The following BCL2L13 variants were observed in gnomAD, a reference collection of about 807,000 sequenced individuals.
BCL2L13 encodes bcl-2-like protein 13.
Under a neutral mutation model 25.8 loss-of-function variants are expected in BCL2L13, and 13 were observed. The ratio of observed to expected loss-of-function variants is 0.50; its 90% CI spans 0.33 to 0.80. The LOEUF is 0.80. BCL2L13 is among the 30% of genes least tolerant of loss of function. BCL2L13 has a pLI of 0.02. For missense variants in BCL2L13, 504 were observed against 574.9 expected (o/e 0.88, Z 1.26); for synonymous variants, 244 against 230.3 (o/e 1.06, Z -0.54).
intron 6 of BCL2L13, among the ~76,000 whole-genome samples, chr22:17,710,067 TAAAAA>T (rs71201876): frequency 1.4e-4 from 13 of 91,806 alleles, no homozygotes; most frequent in Admixed American, 8.2e-4. Flanking sequence ...GACCTTGTCT[TAAAAA>T]AAAAAAAAAA....
chr22:17,636,379 T>C (rs9604779), upstream of BCL2L13, among the ~76,000 whole-genome samples: 11,856 of 150,892 alleles, frequency 0.079, 538 homozygotes, highest in African/African-American at 0.093. Flanking sequence ...CTGTGGTCCT[T>C]GATACTTGGG....
At chr22:17,691,422 G>A (rs897730089) in intron 4 of BCL2L13, among the ~76,000 whole-genome samples, 7 of 152,162 alleles carry the variant, frequency 4.6e-5, no homozygotes, top group Non-Finnish European at 1.0e-4. Flanking sequence ...CGAGGCGGGC[G>A]TATCACGAGG....
chr22:17,717,335 G>C (rs1463224809), intron 6 of BCL2L13, among the ~76,000 whole-genome samples: 2 of 133,654 alleles, frequency 1.5e-5, no homozygotes, highest in African/African-American at 6.1e-5. Flanking sequence ...GAGTTAGCCA[G>C]GTGTGGTGGC....
intron 1 of BCL2L13, among the ~76,000 whole-genome samples, chr22:17,652,361 G>A (rs539702029): frequency 6.6e-6 from 1 of 152,248 alleles, no homozygotes; most frequent in East Asian, 1.9e-4. Context: ...ATTTAAGTGT[G>A]CTTAAAACAC....
chr22:17,723,209 A>G (rs1368782583), intron 6 of BCL2L13, among the ~76,000 whole-genome samples: 1 of 151,926 alleles, frequency 6.6e-6, no homozygotes. Context: ...TCCTGAATGC[A>G]TCCTCTTCTG....
Position 17,710,433 on chromosome 22 carries a change from C to A in BCL2L13, c.600+8047C>A, listed in dbSNP as rs183627424. Among the ~76,000 whole-genome samples, 700 of 151,366 alleles carry A rather than the reference C, an allele frequency of 4.6e-3. 2 individuals are homozygous for A. Among genetic ancestry groups the A allele is most frequent in the African/African-American group, 0.016 (644 of 41,218 alleles). On this transcript the variant is annotated intron_variant, in intron 6 of 6. Transcript: ENST00000317582. ...CTACTAAAAATTAAAAAAAAAAATT[C>A]TCCGGGCATGGTGGCGCACACCTGT...
chr22:17,647,237 G>A (rs1421491059), intron 1 of BCL2L13, among the ~76,000 whole-genome samples: 1 of 151,750 alleles, frequency 6.6e-6, no homozygotes, highest in Non-Finnish European at 1.5e-5. Context: ...GCCTCCCAAA[G>A]TTCTGGGGTT....
chr22:17,673,533 A>ATTTTTTTTTTT (rs34253686), intron 2 of BCL2L13, among the ~76,000 whole-genome samples: 1 of 131,074 alleles, frequency 7.6e-6, no homozygotes. Context: ...ATGCCTGGCA[A>ATTTTTTTTTTT]TTTTTTTTTT....
intron 6 of BCL2L13, among the ~76,000 whole-genome samples, chr22:17,718,200 A>G (rs982059102): frequency 2.6e-5 from 4 of 152,182 alleles, no homozygotes; most frequent in Non-Finnish European, 4.4e-5. Flanking sequence ...ACATTAGAGT[A>G]ATACCAGAAA....
At chr22:17,631,706 A>ATTT (rs71201849) in intron 1 of BCL2L13, among the ~76,000 whole-genome samples, 6 of 10,930 alleles carry the variant, frequency 5.5e-4, no homozygotes, top group Non-Finnish European at 7.0e-4. Flanking sequence ...ATATATATAT[A>ATTT]TTTTTTTTTT....
At chr22:17,645,220 G>C (rs2058431014) in intron 1 of BCL2L13, among the ~76,000 whole-genome samples, 1 of 135,970 alleles carries the variant, frequency 7.4e-6, no homozygotes. Context: ...AGAACTAATA[G>C]TAGGATTTTT....
chr22:17,672,638 A>G (rs1001051347), intron 2 of BCL2L13, among the ~76,000 whole-genome samples: 23 of 152,244 alleles, frequency 1.5e-4, no homozygotes, highest in African/African-American at 4.8e-4. Context: ...GGTCAGCTAA[A>G]TAAATAGCCT....
intron 2 of BCL2L13, among the ~76,000 whole-genome samples, chr22:17,666,369 G>A (rs1206655686): frequency 6.6e-6 from 1 of 152,068 alleles, no homozygotes; most frequent in East Asian, 1.9e-4. Flanking sequence ...AAACAATTCA[G>A]TTACTCTTTA....
intron 1 of BCL2L13, among the ~76,000 whole-genome samples, chr22:17,654,301 A>G (rs976036290): frequency 3.3e-5 from 5 of 151,818 alleles, no homozygotes; most frequent in Non-Finnish European, 7.4e-5. Context: ...ACAAGGTTTT[A>G]CCATGTTACC....
At chr22:17,691,879 A>T (rs1173183287) in intron 4 of BCL2L13, among the ~76,000 whole-genome samples, 1 of 152,144 alleles carries the variant, frequency 6.6e-6, no homozygotes, top group African/African-American at 2.4e-5. Flanking sequence ...TTTAAAGGAG[A>T]ATTGGCTTGG....
intron 5 of BCL2L13, among the ~76,000 whole-genome samples, chr22:17,699,481 G>C (rs2060367086): frequency 1.3e-5 from 2 of 152,276 alleles, no homozygotes; most frequent in South Asian, 4.1e-4. Flanking sequence ...GATGTCAGGA[G>C]ATTAAATAAG....
intron 3 of BCL2L13, among the ~76,000 whole-genome samples, chr22:17,684,899 AT>A (rs768976156): frequency 6.6e-6 from 1 of 151,732 alleles, no homozygotes; most frequent in Non-Finnish European, 1.5e-5. Context: ...CACCCGACTA[AT>A]TTTTTGTATT....
chr22:17,662,938 CACAGCTCCCT>C (rs1436534772), intron 2 of BCL2L13, among the ~76,000 whole-genome samples: 1 of 151,960 alleles, frequency 6.6e-6, no homozygotes, highest in Non-Finnish European at 1.5e-5. Flanking sequence ...GTGTTGAGAA[CACAGCTCCCT>C]ACAGCCTCTA....
chr22:17,651,800 C>T (rs932480620), intron 1 of BCL2L13, among the ~76,000 whole-genome samples: 8 of 152,040 alleles, frequency 5.3e-5, no homozygotes, highest in African/African-American at 1.7e-4. Context: ...AAGTGATTCT[C>T]CTGCCTCAGC....
Sources: allele counts gnomAD v4.1 joint callset (sites outside exome capture counted in the v4.1 genomes callset), GRCh38; gene constraint gnomAD v4.1.1; transcripts MANE v1.5; gene names NCBI Gene and HGNC (gene_info 2026-07-23, HGNC 2026-07-21).